Variants in MACF1 observed in about 807,000 individuals in gnomAD.
MACF1 encodes microtubule-actin cross-linking factor 1.
Under a neutral mutation model 854.8 loss-of-function variants are expected in MACF1, and 193 were observed. That is an observed-to-expected ratio of 0.23 (90% CI 0.20 to 0.25). The LOEUF is 0.25. MACF1 is among the 10% of genes least tolerant of loss of function. The probability of loss-of-function intolerance (pLI) is 1.00; values close to 1 mark genes in which losing one functional copy is unlikely to be tolerated. For synonymous variants in MACF1, 3,185 were observed against 3,226.7 expected, an observed-to-expected ratio of 0.99 and a Z score of 0.44; for missense variants, 7,722 against 8,929.1, an observed-to-expected ratio of 0.86 and a Z score of 5.45.
chr1:39,408,571 C>G (rs972969351), intron 58 of MACF1, among the ~76,000 whole-genome samples: 2 of 151,300 alleles, frequency 1.3e-5, no homozygotes, highest in African/African-American at 4.8e-5. Flanking sequence ...GCTGGGGGAG[C>G]GCGGGCGCCC....
At chr1:39,175,767 A>G (rs1429508350) in intron 2 of MACF1, among the ~76,000 whole-genome samples, 1 of 151,478 alleles carries the variant, frequency 6.6e-6, no homozygotes, top group East Asian at 2.0e-4. Flanking sequence ...AGCCTGGCCA[A>G]CGTGGTGAAA....
chr1:39,180,262 A>G (rs1402335499), intron 2 of MACF1, among the ~76,000 whole-genome samples: 1 of 152,038 alleles, frequency 6.6e-6, no homozygotes, highest in Non-Finnish European at 1.5e-5. Context: ...CTGGTTCCCT[A>G]CTCTGGTACT....
chr1:39,266,724 G>C (rs1645237651), intron 6 of MACF1, among the ~76,000 whole-genome samples: 1 of 141,644 alleles, frequency 7.1e-6, no homozygotes, highest in East Asian at 2.2e-4. Context: ...GGATCCTTTT[G>C]TTGTAGAATA....
intron 79 of MACF1, among the ~76,000 whole-genome samples, chr1:39,444,058 G>A (rs989703952): frequency 3.9e-5 from 6 of 152,122 alleles, no homozygotes; most frequent in Admixed American, 3.3e-4. Context: ...TTTCTTGGCC[G>A]AGCGCAGTGG....
intron 49 of MACF1, among the ~76,000 whole-genome samples, chr1:39,364,982 A>G (rs961414007): frequency 3.3e-5 from 5 of 152,154 alleles, no homozygotes; most frequent in African/African-American, 1.2e-4. Context: ...ATTCTGAAGT[A>G]TGAATCATGT....
chr1:39,185,160 C>T (rs965571580), intron 2 of MACF1, among the ~76,000 whole-genome samples: 4 of 151,944 alleles, frequency 2.6e-5, no homozygotes, highest in Non-Finnish European at 4.4e-5. Context: ...GGCGTGGTGG[C>T]GGGTGCCTGT....
At chr1:39,135,175 A>G (rs573823252) in intron 2 of MACF1, among the ~76,000 whole-genome samples, 9 of 152,176 alleles carry the variant, frequency 5.9e-5, no homozygotes, top group Non-Finnish European at 1.3e-4. Context: ...CATTTTATTT[A>G]TCCATTCATC....
chr1:39,435,659 G>T lies in MACF1; in HGVS notation c.17886G>T (p.Val5962=), dbSNP rs1282946207. 2 of 1,614,120 alleles carry T rather than the reference G, an allele frequency of 1.2e-6. No homozygotes were observed. Among genetic ancestry groups the T allele is most frequent in the Admixed American group, 1.7e-5 (1 of 60,010 alleles). ...TAAACCCTGAGGAAGGGGAAATGGTGGAAGAAAAATACCAGAAAGCAGAAA... is the reference window on the plus strand; with the variant it reads ...TAAACCCTGAGGAAGGGGAAATGGTTGAAGAAAAATACCAGAAAGCAGAAA... ...KELNPEEGEM[V]EEKYQKAENM... The change falls in exon 70 of 101, where the codon GTG becomes GTT. Residue 5962 remains valine, a synonymous_variant. Transcript: ENST00000564288.
chr1:39,451,892 G>A (rs1342504395), intron 85 of MACF1, among the ~76,000 whole-genome samples: 2 of 151,398 alleles, frequency 1.3e-5, no homozygotes, highest in African/African-American at 2.4e-5. Context: ...TTTTCCCCTT[G>A]AGATTGGGTC....
chr1:39,190,478 C>T (rs1282014534), intron 2 of MACF1, among the ~76,000 whole-genome samples: 1 of 133,160 alleles, frequency 7.5e-6, no homozygotes, highest in East Asian at 2.5e-4. Context: ...GCTGGGACTA[C>T]AGATGTGCAT....
In MACF1 at chr1:39,335,839, A is replaced by C. The variant is rs1445098729; in HGVS notation, c.9251A>C (p.Lys3084Thr). 5 of 1,614,064 alleles carry C rather than the reference A, an allele frequency of 3.1e-6. No homozygotes were observed. In the South Asian group the frequency reaches 5.5e-5, roughly 18 times the overall value. ...AATTTAAGTCTCTGCTTGACTTTAA[A>C]ACCAGAAGAAAACTTATCTCGAGAA... ...VNNLSLCLTL[K>T]PEENLSREIA... The change falls in exon 37 of 101, where the codon AAA becomes ACA. Residue 3084 changes from lysine (K) to threonine (T), a missense_variant. Physicochemically the swap from Lys to Thr is moderately conservative, Grantham distance 78. Transcript: ENST00000564288.
At chr1:39,225,604 G>A (rs1228481253) in intron 1 of MACF1, among the ~76,000 whole-genome samples, 1 of 152,208 alleles carries the variant, frequency 6.6e-6, no homozygotes, top group Non-Finnish European at 1.5e-5. Flanking sequence ...AACTTAGATG[G>A]ACAGTAGGGT....
chr1:39,434,386 CTTTT>C (rs71798934), intron 68 of MACF1, 24 bp from the exon 69 acceptor site: 9,119 of 963,190 alleles, frequency 9.5e-3, no homozygotes, highest in South Asian at 0.012. Flanking sequence ...AATACTTATC[CTTTT>C]TTTTTTTTTT....
At chr1:39,475,711 G>A (rs2124181916) in intron 97 of MACF1, among the ~76,000 whole-genome samples, 1 of 152,220 alleles carries the variant, frequency 6.6e-6, no homozygotes, top group Admixed American at 6.5e-5. Flanking sequence ...TTGGTGCCAG[G>A]GTTTTGGTTC....
intron 23 of MACF1, among the ~76,000 whole-genome samples, chr1:39,305,277 A>AAAGT (rs149888723): frequency 1.3e-5 from 2 of 149,456 alleles, no homozygotes; most frequent in Non-Finnish European, 3.0e-5. Context: ...AAAAAAAAAA[A>AAAGT]GTGTGTGTGT....
At chr1:39,238,492 A>G (rs1437513650) in intron 2 of MACF1, among the ~76,000 whole-genome samples, 1 of 152,204 alleles carries the variant, frequency 6.6e-6, no homozygotes, top group East Asian at 1.9e-4. Flanking sequence ...TTTGGCCCCT[A>G]GCTGATTGTT....
chr1:39,323,278 G>A (rs915000110), intron 33 of MACF1, among the ~76,000 whole-genome samples: 9 of 152,020 alleles, frequency 5.9e-5, no homozygotes, highest in African/African-American at 2.2e-4. Context: ...GGAAGTTGAG[G>A]CTGCAGTGAC....
chr1:39,149,710 G>A (rs1184941097), intron 2 of MACF1, among the ~76,000 whole-genome samples: 2 of 143,074 alleles, frequency 1.4e-5, no homozygotes, highest in Non-Finnish European at 1.5e-5. Context: ...AATAAGAAGA[G>A]AGCCAGGGTT....
At position 39,484,623 on chromosome 1, in the gene MACF1, A is replaced by G. The variant is rs529942905; in HGVS notation, c.22304A>G (p.Lys7435Arg). The G allele has an allele frequency of 1.2e-6, 2 of 1,613,922 alleles. No homozygotes were observed. The highest frequency in any genetic ancestry group is 1.1e-5 in the South Asian group (1 of 91,014). ...AAGGTTATCCCATCATCAGGTAGCA[A>G]GTTGAAACGACCAACACCAACTTTT... ...TPEVIPSSGS[K>R]LKRPTPTFHS... is the part of the protein sequence containing the mutation. Residue 7435 changes from lysine (K) to arginine (R), a missense_variant, in exon 100 of 101, where the codon AAG becomes AGG. This residue lies in a region of MACF1 where 185 missense variants were observed against 225.7 expected (regional missense o/e 0.82). Coordinates refer to ENST00000564288, the MANE Select transcript of MACF1 (RefSeq NM_001394062.1).
Sources: allele counts gnomAD v4.1 joint callset (sites outside exome capture counted in the v4.1 genomes callset), GRCh38; gene constraint gnomAD v4.1.1; regional missense constraint gnomAD v4.1.1; transcripts MANE v1.5; gene names NCBI Gene and HGNC (gene_info 2026-07-23, HGNC 2026-07-21).